SLC30A8: variants seen among roughly 807,000 people sequenced by gnomAD.
SLC30A8 encodes the protein proton-coupled zinc antiporter SLC30A8.
A neutral mutation model predicts 36.9 loss-of-function variants in SLC30A8; 27 were observed. The ratio of observed to expected loss-of-function variants is 0.73; its 90% CI spans 0.54 to 1.01. The LOEUF (loss-of-function observed/expected upper bound fraction) is 1.01. Among genes scored for constraint, SLC30A8 ranks in the 50% least tolerant of loss-of-function variants. The pLI is 0.00. For synonymous variants in SLC30A8, 164 were observed against 172.4 expected (o/e 0.95, Z 0.38); for missense variants, 439 against 452.0 (o/e 0.97, Z 0.26).
intron 2 of SLC30A8, among the ~76,000 whole-genome samples, chr8:117,086,342 T>C (rs34551329): frequency 0.13 from 19,854 of 152,180 alleles, 1,421 homozygotes; most frequent in Non-Finnish European, 0.16. Flanking sequence ...GAGGACTATG[T>C]CACTTGTAAC....
At chr8:117,170,294 G>A (rs1024494383) in intron 6 of SLC30A8, among the ~76,000 whole-genome samples, 8 of 152,130 alleles carry the variant, frequency 5.3e-5, no homozygotes, top group Admixed American at 1.3e-4. Flanking sequence ...GAATGGAGTC[G>A]TGGTACATTT....
At chr8:116,952,699 C>T (rs372649354) in intron 1 of SLC30A8, among the ~76,000 whole-genome samples, 12 of 152,212 alleles carry the variant, frequency 7.9e-5, no homozygotes, top group African/African-American at 2.4e-4. Flanking sequence ...TCAAGTGACC[C>T]GCCCACCTTG....
chr8:117,083,576 C>T (rs975994546), intron 2 of SLC30A8, among the ~76,000 whole-genome samples: 2 of 152,154 alleles, frequency 1.3e-5, no homozygotes, highest in Non-Finnish European at 2.9e-5. Flanking sequence ...CTATCCCTGG[C>T]AGATATCAAT....
intron 1 of SLC30A8, among the ~76,000 whole-genome samples, chr8:116,973,576 G>C (rs1452792027): frequency 6.6e-6 from 1 of 152,178 alleles, no homozygotes; most frequent in African/African-American, 2.4e-5. Flanking sequence ...ATGCTCATGG[G>C]TAGGAAGAAT....
intron 7 of SLC30A8, 55 bp from the exon 8 acceptor site, chr8:117,172,481 A>G: frequency 6.2e-7 from 1 of 1,611,916 alleles, no homozygotes; most frequent in Non-Finnish European, 8.5e-7. Context: ...GAGTCAGAGC[A>G]GTCGCCCATG....
At chr8:117,054,779 C>A (rs1007444920) in intron 2 of SLC30A8, among the ~76,000 whole-genome samples, 1 of 152,064 alleles carries the variant, frequency 6.6e-6, no homozygotes, top group Admixed American at 6.5e-5. Context: ...TAACCAGAGT[C>A]AGAAAAATCT....
chr8:117,052,595 G>GA (rs1817744736), intron 2 of SLC30A8, among the ~76,000 whole-genome samples: 1 of 152,146 alleles, frequency 6.6e-6, no homozygotes, highest in African/African-American at 2.4e-5. Flanking sequence ...GTTCATTTCA[G>GA]AAAATTATTT....
chr8:117,159,061 G>A (rs1438070383), intron 4 of SLC30A8, among the ~76,000 whole-genome samples: 2 of 152,118 alleles, frequency 1.3e-5, no homozygotes, highest in African/African-American at 2.4e-5. Context: ...TGGAGAAATC[G>A]GCCTGGAGCC....
At chr8:117,105,535 G>A (rs185315323) in intron 2 of SLC30A8, among the ~76,000 whole-genome samples, 1 of 152,204 alleles carries the variant, frequency 6.6e-6, no homozygotes, top group Admixed American at 6.6e-5. Flanking sequence ...TTTATTTTAA[G>A]AAATTGGTTC....
intron 1 of SLC30A8, among the ~76,000 whole-genome samples, chr8:117,020,610 C>G (rs181401817): frequency 2.4e-4 from 37 of 152,106 alleles, no homozygotes; most frequent in Non-Finnish European, 7.4e-5. Flanking sequence ...AAAAAAAGAA[C>G]AGGAAAATGG....
chr8:117,164,684 T>C (rs952044442), intron 6 of SLC30A8, among the ~76,000 whole-genome samples: 2 of 152,154 alleles, frequency 1.3e-5, no homozygotes, highest in Non-Finnish European at 2.9e-5. Flanking sequence ...TGGGAACTGC[T>C]ACAAAGAAGA....
At chr8:116,951,534 G>C (rs967671124) in intron 1 of SLC30A8, among the ~76,000 whole-genome samples, 16 of 151,930 alleles carry the variant, frequency 1.1e-4, no homozygotes, top group Non-Finnish European at 1.8e-4. Flanking sequence ...TAGCACTCAA[G>C]TTTCCCCTAT....
At chr8:117,078,980 G>T (rs1818576820) in intron 2 of SLC30A8, among the ~76,000 whole-genome samples, 1 of 151,814 alleles carries the variant, frequency 6.6e-6, no homozygotes, top group Admixed American at 6.6e-5. Flanking sequence ...GAGCCAATGT[G>T]CCTGGCCTGA....
chr8:117,004,573 G>A (rs912421017), intron 1 of SLC30A8, among the ~76,000 whole-genome samples: 1 of 152,080 alleles, frequency 6.6e-6, no homozygotes, highest in Non-Finnish European at 1.5e-5. Flanking sequence ...ATTGATACCA[G>A]AAAAGGTGCT....
intron 1 of SLC30A8, among the ~76,000 whole-genome samples, chr8:116,991,492 A>G (rs1446895378): frequency 6.6e-6 from 1 of 151,978 alleles, no homozygotes; most frequent in Non-Finnish European, 1.5e-5. Flanking sequence ...TTTAGTAGAG[A>G]CGGGGTTTCA....
chr8:117,163,318 A>G, intron 5 of SLC30A8, 107 bp from the exon 6 acceptor site: 1 of 819,154 alleles, frequency 1.2e-6, no homozygotes, highest in Non-Finnish European at 1.9e-6. Context: ...AGGGTAAATG[A>G]GTGACAGAGA....
intron 2 of SLC30A8, among the ~76,000 whole-genome samples, chr8:117,097,408 A>ATATATATATATATAT (rs1289257794): frequency 8.1e-6 from 1 of 123,082 alleles, no homozygotes; most frequent in African/African-American, 3.3e-5. Context: ...AAAAAAAAAA[A>ATATATATATATATAT]AAAAAAAAAA....
chr8:116,950,657 T>G (rs1176618358), upstream of SLC30A8: 1 of 152,228 alleles, frequency 6.6e-6, no homozygotes, highest in Non-Finnish European at 1.5e-5. Context: ...CTATAATTAC[T>G]GCTTCCAAAT....
chr8:117,099,184 T>A (rs1490380647), intron 2 of SLC30A8, among the ~76,000 whole-genome samples: 1 of 152,168 alleles, frequency 6.6e-6, no homozygotes, highest in Non-Finnish European at 1.5e-5. Flanking sequence ...TCTCACACAC[T>A]TTTTTGTGAA....
Sources: gnomAD v4.1 joint callset for allele counts (sites outside exome capture counted in the v4.1 genomes callset) on GRCh38, gnomAD v4.1.1 for gene constraint, MANE v1.5 for transcripts, NCBI Gene and HGNC (gene_info 2026-07-23, HGNC 2026-07-21) for gene names.